Variants in SMPD4 observed in about 807,000 individuals in gnomAD.
SMPD4 encodes sphingomyelin phosphodiesterase 4.
A neutral mutation model predicts 97.8 loss-of-function variants in SMPD4; 58 were observed. The observed-to-expected ratio is 0.59, with a 90% CI of 0.48 to 0.74. SMPD4 has a LOEUF of 0.74. Among genes scored for constraint, SMPD4 ranks in the 30% least tolerant of loss-of-function variants. The pLI, the probability that SMPD4 is intolerant of heterozygous loss-of-function variation, is 0.00. For synonymous variants in SMPD4, 388 were observed against 450.0 expected, an observed-to-expected ratio of 0.86 and a Z score of 1.74; for missense variants, 853 against 1,080.5, an observed-to-expected ratio of 0.79 and a Z score of 2.95.
At chr2:130,171,129 TC>T (rs1688419889) in intron 8 of SMPD4, among the ~76,000 whole-genome samples, 1 of 108,544 alleles carries the variant, frequency 9.2e-6, no homozygotes, top group African/African-American at 6.7e-5. Flanking sequence ...ATATATAATT[TC>T]TTTTCTTTTT....
intron 10 of SMPD4, among the ~76,000 whole-genome samples, chr2:130,163,560 CAA>C (rs1261530419): frequency 6.6e-6 from 1 of 152,236 alleles, no homozygotes; most frequent in African/African-American, 2.4e-5. Context: ...GTGACAAAGC[CAA>C]AGTTTCCCAA....
chr2:130,173,752 A>G, intron 3 of SMPD4, 96 bp from the exon 4 acceptor site: 1 of 1,528,750 alleles, frequency 6.5e-7, no homozygotes, highest in Non-Finnish European at 8.9e-7. Context: ...CCCTCTGAGG[A>G]AGCCACTCCC....
chr2:130,158,204 A>T lies in SMPD4; in HGVS notation c.952-808T>A, dbSNP rs1052622940. The T allele has an allele frequency of 1.4e-5, 18 of 1,288,242 alleles. No individual in the cohort carries two copies. In the African/African-American group the frequency reaches 2.7e-4, roughly 20 times the overall value. The allele number at this position is 1,288,242 out of a possible 1,614,324, so 79.8% of individuals were successfully genotyped here. On this transcript the variant is annotated intron_variant, in intron 11 of 19. Transcript: ENST00000680298. ...CCCACCTGCTCCTCATCCTGGACAC[A>T]GCCAGATGAGAACTCGGCCCAGTAG...
In SMPD4 at chr2:130,156,601, T is replaced by C. The variant is rs188710765; in HGVS notation, c.1172A>G (p.Asp391Gly). The change falls in exon 13 of 20, where the codon GAC becomes GGC. Residue 391 changes from aspartate (D) to glycine (G), a missense_variant. Asp to Gly is a moderately conservative substitution (Grantham distance 94, BLOSUM62 -1). Around this residue, in one of 3 missense-constraint regions of SMPD4, gnomAD observed 511 missense variants for 608.1 expected, o/e 0.84. Transcript: ENST00000680298. ...LQHCFGHWPL[D>G]ASFRAVLEMW... Reference sequence around the variant, plus strand: ...AACACTCACAGCTCTGAACGATGCGTCCAGGGGCCAGTGGCCAAAGCAATG... The same window carrying C: ...AACACTCACAGCTCTGAACGATGCGCCCAGGGGCCAGTGGCCAAAGCAATG... 4.3e-6 allele frequency: 7 copies of C among 1,613,684 alleles called. No homozygotes were observed. In the Admixed American group the frequency reaches 1.2e-4, roughly 27 times the overall value.
intron 10 of SMPD4, among the ~76,000 whole-genome samples, chr2:130,161,481 G>A (rs1205053395): frequency 2.0e-5 from 3 of 152,148 alleles, no homozygotes; most frequent in Non-Finnish European, 2.9e-5. Context: ...CAGCAGCCGC[G>A]GGCCAGCGCA....
intron 8 of SMPD4, among the ~76,000 whole-genome samples, chr2:130,170,458 C>CAAAAAAAA (rs556058599): frequency 7.7e-5 from 5 of 64,654 alleles, no homozygotes; most frequent in African/African-American, 6.2e-5. Context: ...AAGACCCTGT[C>CAAAAAAAA]AAAAAAAAAA....
At chr2:130,175,856 A>C (rs1334181751) in intron 2 of SMPD4, among the ~76,000 whole-genome samples, 1 of 152,218 alleles carries the variant, frequency 6.6e-6, no homozygotes, top group Admixed American at 6.5e-5. Flanking sequence ...CATGGGCCAG[A>C]CCTGTTGACT....
intron 8 of SMPD4, 86 bp downstream of exon 8, chr2:130,172,263 G>A (rs1458437555): frequency 7.2e-7 from 1 of 1,382,582 alleles, no homozygotes; most frequent in Non-Finnish European, 9.7e-7. Context: ...GTGGACAAAG[G>A]GTGGCAACAT....
Position 130,161,335 on chromosome 2 carries a change from G to A in SMPD4, c.865-63C>T, listed in dbSNP as rs1004568390. ...AGAGCAGAGGACAAGAGAATGGGGTGGGGAAGGGGAGAGATAGGACCAGAC... is the reference window on the plus strand; with the variant it reads ...AGAGCAGAGGACAAGAGAATGGGGTAGGGAAGGGGAGAGATAGGACCAGAC... On this transcript the variant is annotated intron_variant, in intron 10 of 19. Transcript: ENST00000680298. 1.0e-5 allele frequency: 15 copies of A among 1,432,628 alleles called. No individual in the cohort carries two copies. In the African/African-American group the frequency reaches 1.7e-4, roughly 16 times the overall value. 88.7% of individuals were successfully genotyped at this position (1,432,628 alleles called of 1,614,324 possible).
At chr2:130,154,822 G>A (rs1001444612) in intron 15 of SMPD4, 10 of 599,934 alleles carry the variant, frequency 1.7e-5, no homozygotes, top group Admixed American at 6.0e-5. Flanking sequence ...GAGAAACAGC[G>A]GGGTCACGGG....
At position 130,155,190 on chromosome 2, in the gene SMPD4, G is replaced by A. The variant is rs1244565814; in HGVS notation, c.1359C>T (p.Leu453=). Residue 453 remains leucine, a synonymous_variant, in exon 15 of 20, where the codon CTC becomes CTT. Transcript: ENST00000680298. The stretch of plus-strand genomic sequence containing the variant: ...GCTTGGGGCTGACCAGGTCTGTGCG[G>A]AGCGCGCGGTTCAGAAAGCCCACAA... ...KLFVGFLNRA[L]RTDLVSPKHA... is the part of the protein sequence containing the mutation. 5 of 1,614,072 alleles carry A rather than the reference G, an allele frequency of 3.1e-6. No homozygotes were observed. Among genetic ancestry groups the A allele is most frequent in the Non-Finnish European group, 4.2e-6 (5 of 1,180,052 alleles).
intron 9 of SMPD4, among the ~76,000 whole-genome samples, 188 bp downstream of exon 9, chr2:130,167,270 G>A (rs1054671983): frequency 3.3e-5 from 5 of 152,094 alleles, no homozygotes; most frequent in Admixed American, 6.5e-5. Context: ...ACAGGCGCCT[G>A]CCACCACGCC....
chr2:130,170,365 T>C (rs1688330670), intron 8 of SMPD4, among the ~76,000 whole-genome samples: 1 of 147,004 alleles, frequency 6.8e-6, no homozygotes, highest in Non-Finnish European at 1.5e-5. Context: ...CAGGCACCTG[T>C]AGTCCCAGCT....
At chr2:130,164,718 T>G (rs1207479630) in intron 9 of SMPD4, among the ~76,000 whole-genome samples, 1 of 152,014 alleles carries the variant, frequency 6.6e-6, no homozygotes, top group Non-Finnish European at 1.5e-5. Flanking sequence ...TTAGATATGA[T>G]GCCCAAAGCA....
Position 130,153,799 on chromosome 2 carries a change from T to C in SMPD4, c.1796A>G (p.Tyr599Cys), listed in dbSNP as rs148380148. The C allele has an allele frequency of 5.1e-4, 821 of 1,614,000 alleles. 6 individuals are homozygous for C. The highest frequency in any genetic ancestry group is 4.0e-4 in the Non-Finnish European group (477 of 1,179,864). ...CATCTCGTCCAGGTCGTTGGCTGTGTAGGAGCCATTGGTGTCCATGGAGCT... is the reference window on the plus strand; with the variant it reads ...CATCTCGTCCAGGTCGTTGGCTGTGCAGGAGCCATTGGTGTCCATGGAGCT... The part of the protein sequence containing the change: ...GFSSMDTNGS[Y>C]TANDLDEMGQ... Residue 599 changes from tyrosine to cysteine, a missense_variant, in exon 17 of 20, where the codon TAC becomes TGC. By Grantham distance (194) the Tyr-to-Cys change is radical (BLOSUM62 -2). Around this residue, in one of 3 missense-constraint regions of SMPD4, gnomAD observed 511 missense variants for 608.1 expected, o/e 0.84. Coordinates refer to ENST00000680298, the MANE Select transcript of SMPD4 (RefSeq NM_017951.5).
At position 130,153,299 on chromosome 2, in the gene SMPD4, C is replaced by A; in HGVS notation, c.2025+20G>T. Reference sequence around the variant, plus strand: ...GGGTCAGGGCCCAGCCTGTGCGCCTCTGAGACACGGGCCTCTCACCTGGTA... The same window carrying A: ...GGGTCAGGGCCCAGCCTGTGCGCCTATGAGACACGGGCCTCTCACCTGGTA... On this transcript the variant is annotated intron_variant, in intron 18 of 19. Coordinates refer to ENST00000680298, the MANE Select transcript of SMPD4 (RefSeq NM_017951.5). 6.2e-7 allele frequency: 1 copy of A among 1,613,570 alleles called. No homozygotes were observed.
At chr2:130,158,726 G>C (rs563797766) in intron 11 of SMPD4, among the ~76,000 whole-genome samples, 1 of 152,280 alleles carries the variant, frequency 6.6e-6, no homozygotes, top group South Asian at 2.1e-4. Flanking sequence ...GGGCAGGGAA[G>C]TAGGGGTGCT....
intron 1 of SMPD4, among the ~76,000 whole-genome samples, chr2:130,178,562 C>A (rs542153785): frequency 9.2e-5 from 14 of 152,040 alleles, no homozygotes; most frequent in African/African-American, 3.4e-4. Flanking sequence ...TGGGAGGCCG[C>A]GGTGGGCAGA....
chr2:130,174,021 A>G (rs1688737854), intron 3 of SMPD4, among the ~76,000 whole-genome samples: 1 of 152,154 alleles, frequency 6.6e-6, no homozygotes, highest in African/African-American at 2.4e-5. Flanking sequence ...AAAAAAATAA[A>G]CAAAATACAT....
Sources: gnomAD v4.1 joint callset for allele counts (sites outside exome capture counted in the v4.1 genomes callset) on GRCh38, gnomAD v4.1.1 for gene constraint, gnomAD v4.1.1 regional missense constraint, MANE v1.5 for transcripts, NCBI Gene and HGNC (gene_info 2026-07-23, HGNC 2026-07-21) for gene names.